Variants in SPEG observed in about 807,000 individuals in gnomAD.
The protein encoded by SPEG is striated muscle preferentially expressed protein kinase.
Under a neutral mutation model 300.4 loss-of-function variants are expected in SPEG, and 114 were observed. The ratio of observed to expected loss-of-function variants is 0.38; its 90% CI spans 0.33 to 0.44. The LOEUF (loss-of-function observed/expected upper bound fraction) is 0.44, where lower values mean the gene tolerates loss of function less well. Among genes scored for constraint, SPEG ranks in the 20% least tolerant of loss-of-function variants. The pLI, the probability that SPEG is intolerant of heterozygous loss-of-function variation, is 1.00. For synonymous variants in SPEG, 1,964 were observed against 2,018.9 expected (o/e 0.97, Z 0.73); for missense variants, 4,201 against 4,586.2 (o/e 0.92, Z 2.43).
At position 219,473,347 on chromosome 2, in the gene SPEG, G is replaced by C. The variant is rs1234558058; in HGVS notation, c.4148-157G>C. On this transcript the variant is annotated intron_variant, in intron 16 of 40. Coordinates refer to ENST00000312358, the MANE Select transcript of SPEG (RefSeq NM_005876.5). The surrounding 1 kb of genome is among the most constrained non-coding windows in gnomAD (Gnocchi z 4.6). ...ACAACCTCAGCTTTGCTGCTCTCTG[G>C]CTGTGTTCCCCTGACAAATCGCTAA... is the stretch of plus-strand genomic sequence containing the variant. 10 of 827,268 alleles carry C rather than the reference G, an allele frequency of 1.2e-5. No homozygotes were observed. The highest frequency in any genetic ancestry group is 1.9e-5 in the Non-Finnish European group (10 of 526,656). The allele number at this position is 827,268 out of a possible 1,614,324, so 51.2% of individuals were successfully genotyped here.
Position 219,483,752 on chromosome 2 carries a change from G to C in SPEG, c.6289G>C (p.Gly2097Arg). 1 of 1,541,952 alleles carries C rather than the reference G, an allele frequency of 6.5e-7. No individual in the cohort carries two copies. The highest frequency in any genetic ancestry group is 8.7e-7 in the Non-Finnish European group (1 of 1,150,744). The change falls in exon 30 of 41, where the codon GGC becomes CGC. Residue 2097 changes from glycine (G) to arginine (R), a missense_variant. Transcript: ENST00000312358. ...LRGPLLESLGGRARDPRMARA... is the reference protein window; with the variant it reads ...LRGPLLESLGRRARDPRMARA... ...GGGTCCCCTGCTGGAGAGCCTGGGG[G>C]GCCGTGCTCGGGACCCCCGGATGGC...
In SPEG at chr2:219,490,428, C is replaced by T. The variant is rs767645269; in HGVS notation, c.8941C>T (p.Arg2981Ter). ...ACACAGGGGCCGCTTTGGTGTTGTG[C>T]GAGCGTGCCGGGAGAATGCCACGGG... ...EKARGRFGVV[R>*]ACRENATGRT... The change falls in exon 37 of 41, where the codon CGA becomes TGA. Residue 2981 changes from arginine to a stop codon, truncating the protein, a stop_gained. Coordinates refer to ENST00000312358, the MANE Select transcript of SPEG (RefSeq NM_005876.5). LOFTEE classifies it high-confidence loss of function. The T allele has an allele frequency of 2.5e-6, 4 of 1,611,980 alleles. No individual in the cohort carries two copies. Among genetic ancestry groups the T allele is most frequent in the South Asian group, 2.2e-5 (2 of 90,986 alleles).
rs200136733 is a variant in SPEG, at chr2:219,467,360, A to G, written c.3068A>G (p.Lys1023Arg). 1 of 1,612,540 alleles carries G rather than the reference A, an allele frequency of 6.2e-7. No individual in the cohort carries two copies. The highest frequency in any genetic ancestry group is 1.3e-5 in the African/African-American group (1 of 75,056). Residue 1023 changes from lysine to arginine, a missense_variant, in exon 10 of 41, where the codon AAA (lysine) becomes AGA (arginine). This residue lies in a region of SPEG where 1,047 missense variants were observed against 1,356.8 expected (regional missense o/e 0.77). Coordinates refer to ENST00000312358, the MANE Select transcript of SPEG (RefSeq NM_005876.5). ...LKCKMHFDGRKCKLLLTSVHE... is the reference protein window; with the variant it reads ...LKCKMHFDGRRCKLLLTSVHE... ...TGCAAGATGCATTTCGATGGCCGCA[A>G]ATGCAAGCTGCTACTTACATCTGTA...
In SPEG at chr2:219,470,457, C is replaced by T. The variant is rs535733381; in HGVS notation, c.3715+1078C>T. 3.3e-5 allele frequency among the ~76,000 whole-genome samples: 5 copies of T among 151,576 alleles called. No individual in the cohort carries two copies. The South Asian group carries it at 1.0e-3, about 31-fold the overall frequency. On this transcript the variant is annotated intron_variant, in intron 13 of 40. Transcript: ENST00000312358. ...GCAGGCCTCCCTGTCTCCCAGTCTGCTCTGAGGCCCTGGGTGAGTGTCTGT... is the reference window on the plus strand; with the variant it reads ...GCAGGCCTCCCTGTCTCCCAGTCTGTTCTGAGGCCCTGGGTGAGTGTCTGT...
rs755115628 is a variant in SPEG, at chr2:219,444,747, G to A, written c.478+5G>A. ...GGGCCTTCAGCACCCCCACGGGTGAGCTCCTGGGGTGTACAAAGAGCAGGC... is the reference window on the plus strand; with the variant it reads ...GGGCCTTCAGCACCCCCACGGGTGAACTCCTGGGGTGTACAAAGAGCAGGC... On this transcript the variant is annotated splice_donor_5th_base_variant and intron_variant, in intron 2 of 40. Transcript: ENST00000312358. This position sits in a 1 kb window ranked among gnomAD's most constrained non-coding sequence, Gnocchi z 7.8. 37 of 1,613,688 alleles carry A rather than the reference G, an allele frequency of 2.3e-5. No homozygotes were observed. In the Admixed American group the frequency reaches 4.5e-4, roughly 20 times the overall value.
At position 219,491,831 on chromosome 2, in the gene SPEG, C is replaced by T; in HGVS notation, c.9423C>T (p.Ala3141=). The change falls in exon 39 of 41, where the codon GCC becomes GCT. Residue 3141 remains alanine, a synonymous_variant. Transcript: ENST00000312358. ...EMVKGEPIGS[A]TDIWGAGVLT... ...TGAAGGGAGAACCCATCGGCTCTGC[C>T]ACGGACATCTGGGGAGCGGGTGTGC... The T allele has an allele frequency of 6.2e-7, 1 of 1,612,810 alleles. No homozygotes were observed. Among genetic ancestry groups the T allele is most frequent in the East Asian group, 2.2e-5 (1 of 44,852 alleles).
intron 31 of SPEG, 68 bp downstream of exon 31, chr2:219,485,545 A>C: frequency 6.8e-7 from 1 of 1,464,316 alleles, no homozygotes; most frequent in Non-Finnish European, 9.1e-7. Flanking sequence ...ATCAGGGAGC[A>C]GTCATGGCTG....
At chr2:219,465,814 CGTGTGCGTGCGCAT>C in intron 9 of SPEG, 9 of 597,522 alleles carry the variant, frequency 1.5e-5, no homozygotes, top group East Asian at 2.9e-5. Context: ...TGCATGTGTG[CGTGTGCGTGCGCAT>C]GCGTGCGTGT....
At chr2:219,469,760 G>A (rs978489498) in intron 13 of SPEG, among the ~76,000 whole-genome samples, 1 of 152,200 alleles carries the variant, frequency 6.6e-6, no homozygotes, top group Non-Finnish European at 1.5e-5. Context: ...CACCTGGCAA[G>A]CAGCTGGGAG....
Position 219,477,004 on chromosome 2 carries a change from A to G in SPEG, c.4560+22A>G, listed in dbSNP as rs759430065. The G allele has an allele frequency of 4.5e-6, 7 of 1,544,338 alleles. No individual in the cohort carries two copies. The highest frequency in any genetic ancestry group is 5.3e-6 in the Non-Finnish European group (6 of 1,133,704). ...CAAGGTCAGAGTGTGCTGCTGGCTG[A>G]GCCTGGGGGAGGGAGGAGGGGCTCC... On this transcript the variant is annotated intron_variant, in intron 19 of 40. Transcript: ENST00000312358. The surrounding 1 kb of genome is among the most constrained non-coding windows in gnomAD (Gnocchi z 6.4).
intron 31 of SPEG, among the ~76,000 whole-genome samples, chr2:219,487,633 G>A (rs1693562788): frequency 6.6e-6 from 1 of 152,206 alleles, no homozygotes; most frequent in South Asian, 2.1e-4. Context: ...CCGATGGCAG[G>A]TGGGAAGAGG....
At chr2:219,453,581 T>C (rs1689936775) in intron 6 of SPEG, among the ~76,000 whole-genome samples, 1 of 152,208 alleles carries the variant, frequency 6.6e-6, no homozygotes, top group African/African-American at 2.4e-5. Context: ...CCCTCTGTAT[T>C]TCCCAGCCCC....
At position 219,492,974 on chromosome 2, in the gene SPEG, C is replaced by G; in HGVS notation, c.*188C>G. 1 of 740,420 alleles carries G rather than the reference C, an allele frequency of 1.4e-6. No homozygotes were observed. Among genetic ancestry groups the G allele is most frequent in the Non-Finnish European group, 2.4e-6 (1 of 420,532 alleles). The allele number at this position is 740,420 out of a possible 1,614,324, so 45.9% of individuals were successfully genotyped here. ...CCCAGGGCCTGGACCTGATGCCACCCCAGGCCAAAGCCAGAGTGGGAGACC... is the reference window on the plus strand; with the variant it reads ...CCCAGGGCCTGGACCTGATGCCACCGCAGGCCAAAGCCAGAGTGGGAGACC... On this transcript the variant is annotated 3_prime_UTR_variant, in exon 41 of 41. Transcript: ENST00000312358.
intron 18 of SPEG, among the ~76,000 whole-genome samples, chr2:219,475,497 A>T (rs1223683207): frequency 1.3e-5 from 2 of 152,124 alleles, no homozygotes; most frequent in Non-Finnish European, 2.9e-5. Context: ...AGGGTGTGTA[A>T]CAAAGAGACA....
chr2:219,466,334 AG>A, intron 9 of SPEG: 1 of 1,407,420 alleles, frequency 7.1e-7, no homozygotes, highest in Non-Finnish European at 9.2e-7. Context: ...GGCGGCTGCG[AG>A]GGGTATCAAC....
chr2:219,477,100 GA>G lies in SPEG; in HGVS notation c.4560+121del. On this transcript the variant is annotated intron_variant, in intron 19 of 40. Transcript: ENST00000312358. This position sits in a 1 kb window ranked among gnomAD's most constrained non-coding sequence, Gnocchi z 6.4. ...CGGGCAGAGGCGTGGTTAGGAGGAG[GA>G]AAGGGGCTGCAGAGGACTGACTAGC... 1 of 1,052,300 alleles carries G rather than the reference GA, an allele frequency of 9.5e-7. No homozygotes were observed. The highest frequency in any genetic ancestry group is 1.4e-6 in the Non-Finnish European group (1 of 733,342). The allele number at this position is 1,052,300 out of a possible 1,614,324, so 65.2% of individuals were successfully genotyped here.
In SPEG at chr2:219,467,178, C is replaced by T; in HGVS notation, c.2886C>T (p.His962=). The T allele has an allele frequency of 6.3e-7, 1 of 1,575,974 alleles. No individual in the cohort carries two copies. The highest frequency in any genetic ancestry group is 8.6e-7 in the Non-Finnish European group (1 of 1,162,630). The change falls in exon 10 of 41, where the codon CAC becomes CAT. Residue 962 remains histidine (H), a synonymous_variant. Transcript: ENST00000312358. The stretch of plus-strand genomic sequence containing the variant: ...CCGTGGCTGCTTTCCCCTCAGCACA[C>T]CCTGAAAGCCGGTCCCTGGCCGTGC... ...QCEARLEVRA[H]PESRSLAVLA...
intron 6 of SPEG, chr2:219,460,471 T>C (rs1436716362): frequency 2.0e-6 from 2 of 985,316 alleles, no homozygotes; most frequent in African/African-American, 3.5e-5. Flanking sequence ...TCAGGGCAAG[T>C]GTCCCTATTG....
At chr2:219,453,143 C>T (rs10932807) in intron 6 of SPEG, among the ~76,000 whole-genome samples, 152,089 of 152,312 alleles carry the variant, frequency 1, 75,936 homozygotes, top group Non-Finnish European at 1. Flanking sequence ...GCTCCAGGAC[C>T]CCAGTCAATA....
Sources: allele counts gnomAD v4.1 joint callset (sites outside exome capture counted in the v4.1 genomes callset), GRCh38; gene constraint gnomAD v4.1.1; regional missense constraint gnomAD v4.1.1; non-coding constraint Gnocchi (gnomAD v3.1); transcripts MANE v1.5; gene names NCBI Gene and HGNC (gene_info 2026-07-23, HGNC 2026-07-21).